ZNF175: variants seen among roughly 807,000 people sequenced by gnomAD.
The protein encoded by ZNF175 is zinc finger protein OTK18.
In ZNF175, 8 loss-of-function variants were observed where a neutral mutation model predicts 14.0. The ratio of observed to expected loss-of-function variants is 0.57; its 90% confidence interval spans 0.34 to 1.03. ZNF175 has a LOEUF of 1.03. Among genes scored for constraint, ZNF175 ranks in the 50% least tolerant of loss-of-function variants. ZNF175 has a pLI of 0.03. For synonymous variants in ZNF175, 255 were observed against 296.8 expected (o/e 0.86, Z 1.45); for missense variants, 764 against 849.5 (o/e 0.90, Z 1.25).
At chr19:51,576,477 T>A (rs2122561339) in intron 2 of ZNF175, among the ~76,000 whole-genome samples, 1 of 152,186 alleles carries the variant, frequency 6.6e-6, no homozygotes, top group Non-Finnish European at 1.5e-5. Context: ...TCCTCATAAC[T>A]TTGCGAGGTA....
At chr19:51,584,181 A>C (rs1166859483) in intron 4 of ZNF175, among the ~76,000 whole-genome samples, 1 of 152,232 alleles carries the variant, frequency 6.6e-6, no homozygotes, top group African/African-American at 2.4e-5. Flanking sequence ...GTGTATCAAC[A>C]TGGGAAGCAT....
At chr19:51,575,327 C>T (rs1464381212) in intron 2 of ZNF175, among the ~76,000 whole-genome samples, 1 of 151,244 alleles carries the variant, frequency 6.6e-6, no homozygotes, top group African/African-American at 2.4e-5. Flanking sequence ...CGCCGTTCTC[C>T]TGCCTTAGCC....
In ZNF175 at chr19:51,581,522, G is replaced by C; in HGVS notation, c.199+5G>C. On this transcript the variant is annotated splice_donor_5th_base_variant and intron_variant, in intron 3 of 4. Transcript: ENST00000262259. ...ATAGCCATCTCTTCGCAGTGGGTGAGCACAACTGACCTGGGAATCTTGGCT... is the reference window on the plus strand; with the variant it reads ...ATAGCCATCTCTTCGCAGTGGGTGACCACAACTGACCTGGGAATCTTGGCT... 3 of 1,610,550 alleles carry C rather than the reference G, an allele frequency of 1.9e-6. No individual in the cohort carries two copies. Among genetic ancestry groups the C allele is most frequent in the Non-Finnish European group, 2.5e-6 (3 of 1,177,676 alleles).
chr19:51,581,418 G>A lies in ZNF175; in HGVS notation c.100G>A (p.Val34Met), dbSNP rs745693987. 4.0e-5 allele frequency: 65 copies of A among 1,614,030 alleles called. No individual in the cohort carries two copies. The highest frequency in any genetic ancestry group is 5.0e-5 in the Admixed American group (3 of 59,996). The change falls in exon 3 of 5, where the codon GTG (valine) becomes ATG (methionine). Residue 34 changes from valine to methionine, a missense_variant. By Grantham distance (21) the Val-to-Met change is conservative. Coordinates refer to ENST00000262259, the MANE Select transcript of ZNF175 (RefSeq NM_007147.4). ...ATCAGTGTCATTTGAGGACGTGACC[G>A]TGGACTTCAGCAGGGAGGAGTGGCA... is the stretch of plus-strand genomic sequence containing the variant. Reference protein sequence around the residue: ...EASVSFEDVTVDFSREEWQQL... With the variant: ...EASVSFEDVTMDFSREEWQQL...
In ZNF175 at chr19:51,573,168, G is replaced by A; in HGVS notation, c.-162G>A. ...TTCCAAGGCTTCTGCAGAACCCCCA[G>A]GTCAGGCCACATCATTGAGGCTGCA... On this transcript the variant is annotated 5_prime_UTR_variant, in exon 2 of 5. Transcript: ENST00000262259. The A allele has an allele frequency of 2.8e-6, 2 of 709,666 alleles. No individual in the cohort carries two copies. 44.0% of individuals were successfully genotyped at this position (709,666 alleles called of 1,614,324 possible). A position where few individuals can be genotyped will look rare whatever the true frequency, so the allele number is the denominator to read the frequency against.
At chr19:51,584,191 T>C (rs59191415) in intron 4 of ZNF175, among the ~76,000 whole-genome samples, 30,192 of 152,156 alleles carry the variant, frequency 0.2, 3,533 homozygotes, top group Middle Eastern at 0.33. Context: ...ATGGGAAGCA[T>C]GGATAGCAAA....
At position 51,587,844 on chromosome 19, in the gene ZNF175, T is replaced by A; in HGVS notation, c.1513T>A (p.Cys505Ser). The change falls in exon 5 of 5, where the codon TGC becomes AGC. Residue 505 changes from cysteine to serine, a missense_variant. By Grantham distance (112) the Cys-to-Ser change is moderately radical. Coordinates refer to ENST00000262259, the MANE Select transcript of ZNF175 (RefSeq NM_007147.4). ...TCATACAGGGGAGAAACCTTATGAA[T>A]GCAGTGACTGTGGAAAAACCTTCAC... The part of the protein sequence containing the change: ...RIHTGEKPYE[C>S]SDCGKTFTQK... The A allele has an allele frequency of 6.2e-7, 1 of 1,614,166 alleles. No homozygotes were observed. The highest frequency in any genetic ancestry group is 8.5e-7 in the Non-Finnish European group (1 of 1,180,010).
At chr19:51,582,049 A>G (rs1423214506) in intron 4 of ZNF175, among the ~76,000 whole-genome samples, 167 bp downstream of exon 4, 1 of 152,126 alleles carries the variant, frequency 6.6e-6, no homozygotes, top group African/African-American at 2.4e-5. Context: ...TAAATGTCCT[A>G]TAGGGGCTGC....
chr19:51,578,408 A>AAG (rs35122694), intron 2 of ZNF175, among the ~76,000 whole-genome samples: 113,008 of 151,702 alleles, frequency 0.74, 42,378 homozygotes, highest in East Asian at 1. Flanking sequence ...CTCAAAAAAA[A>AAG]AGAAGCAAGC....
rs565912111 is a variant in ZNF175, at chr19:51,582,008, C to A, written c.295+126C>A. The stretch of plus-strand genomic sequence containing the variant: ...TAGATTGCCTCCTACTCCCAGTTTC[C>A]CATCAAACACTGTAAATGTGCTATA... On this transcript the variant is annotated intron_variant, in intron 4 of 4. Transcript: ENST00000262259. 5.1e-3 allele frequency: 4,165 copies of A among 811,804 alleles called. 167 individuals carry two copies. In the East Asian group the frequency reaches 0.086, roughly 17 times the overall value. The allele number at this position is 811,804 out of a possible 1,614,324, so 50.3% of individuals were successfully genotyped here.
In ZNF175 at chr19:51,587,403, A is replaced by G; in HGVS notation, c.1072A>G (p.Thr358Ala). 6.2e-7 allele frequency: 1 copy of G among 1,614,088 alleles called. No homozygotes were observed. The highest frequency in any genetic ancestry group is 2.2e-5 in the East Asian group (1 of 44,884). ...ATTGCTTACGCACCAGAAAACACAC[A>G]CTAGAAAGAAGCCCTATAAATGCCA... Reference protein sequence around the residue: ...SELLTHQKTHTRKKPYKCHDC... With the variant: ...SELLTHQKTHARKKPYKCHDC... Residue 358 changes from threonine to alanine, a missense_variant, in exon 5 of 5, where the codon ACT (threonine) becomes GCT (alanine). Coordinates refer to ENST00000262259, the MANE Select transcript of ZNF175 (RefSeq NM_007147.4).
Position 51,573,148 on chromosome 19 carries a change from A to G in ZNF175, c.-180-2A>G. 1 of 640,176 alleles carries G rather than the reference A, an allele frequency of 1.6e-6. No individual in the cohort carries two copies. Among genetic ancestry groups the G allele is most frequent in the Non-Finnish European group, 2.7e-6 (1 of 364,436 alleles). The allele number at this position is 640,176 out of a possible 1,614,324, so 39.7% of individuals were successfully genotyped here. A position where few individuals can be genotyped will look rare whatever the true frequency, so the allele number is the denominator to read the frequency against. ...TGACCATGTACTCATTGCTTTTCCA[A>G]GGCTTCTGCAGAACCCCCAGGTCAG... is the stretch of plus-strand genomic sequence containing the variant. On this transcript the variant is annotated splice_acceptor_variant, in intron 1 of 4. Coordinates refer to ENST00000262259, the MANE Select transcript of ZNF175 (RefSeq NM_007147.4). LOFTEE classifies it low-confidence loss of function (5UTR_SPLICE).
At chr19:51,578,519 G>C (rs1343345740) in intron 2 of ZNF175, among the ~76,000 whole-genome samples, 1 of 152,204 alleles carries the variant, frequency 6.6e-6, no homozygotes, top group African/African-American at 2.4e-5. Context: ...TATAACCCCA[G>C]CACATTGGGA....
chr19:51,580,040 TAA>T (rs1981946306), intron 2 of ZNF175, among the ~76,000 whole-genome samples: 1 of 150,458 alleles, frequency 6.6e-6, no homozygotes, highest in South Asian at 2.1e-4. Flanking sequence ...ATAGAAATGA[TAA>T]TGTTTTGAAT....
rs1176783065 is a variant in ZNF175 at position 51,589,503 on chromosome 19, A to G, written c.*1036A>G. ...TTGGTAAATGCATAAATGAGATTCT[A>G]TAATGTTTACTGATCTTTATATTAC... On this transcript the variant is annotated 3_prime_UTR_variant, in exon 5 of 5. Transcript: ENST00000262259. 4.3e-6 allele frequency: 3 copies of G among 698,038 alleles called. No individual in the cohort carries two copies. The highest frequency in any genetic ancestry group is 7.8e-6 in the Non-Finnish European group (3 of 383,576). The allele number at this position is 698,038 out of a possible 1,614,324, so 43.2% of individuals were successfully genotyped here.
chr19:51,577,732 T>A (rs142946270), intron 2 of ZNF175, among the ~76,000 whole-genome samples: 1 of 150,450 alleles, frequency 6.6e-6, no homozygotes, highest in African/African-American at 2.5e-5. Flanking sequence ...GGCACGATCT[T>A]GGCTCACTGC....
chr19:51,574,466 G>A (rs1018873028), intron 2 of ZNF175, among the ~76,000 whole-genome samples: 2 of 152,186 alleles, frequency 1.3e-5, no homozygotes, highest in African/African-American at 4.8e-5. Context: ...CTTGAGCCCA[G>A]GAGTTGGAGA....
chr19:51,580,753 C>T (rs766742896), intron 2 of ZNF175, among the ~76,000 whole-genome samples: 3 of 152,120 alleles, frequency 2.0e-5, no homozygotes, highest in Non-Finnish European at 4.4e-5. Flanking sequence ...TCTGCTTCTC[C>T]CTGAATTCAC....
rs1982224693 is a variant in ZNF175 at position 51,587,916 on chromosome 19, A to G, written c.1585A>G (p.Arg529Gly). 1.2e-6 allele frequency: 2 copies of G among 1,614,242 alleles called. No homozygotes were observed. The highest frequency in any genetic ancestry group is 1.7e-6 in the Non-Finnish European group (2 of 1,180,038). Residue 529 changes from arginine (R) to glycine (G), a missense_variant, in exon 5 of 5, where the codon AGA becomes GGA. Arg to Gly is a moderately radical substitution (Grantham distance 125). Transcript: ENST00000262259. ...ACACCAGAAAATTCATACTGGAGAA[A>G]GACACCATGTATGCAGTGAATGCGG... ...NIHQKIHTGE[R>G]HHVCSECGKA...
Sources: allele counts gnomAD v4.1 joint callset (sites outside exome capture counted in the v4.1 genomes callset), GRCh38; gene constraint gnomAD v4.1.1; transcripts MANE v1.5; gene names NCBI Gene and HGNC (gene_info 2026-07-23, HGNC 2026-07-21).